Variants in DNAH5 observed in about 807,000 individuals in gnomAD.
DNAH5 encodes the protein axonemal beta dynein heavy chain 5.
In DNAH5, 372 loss-of-function variants were observed where a neutral mutation model predicts 518.2. The ratio of observed to expected loss-of-function variants is 0.72; its 90% CI spans 0.66 to 0.78. The LOEUF is 0.78. Ranked by LOEUF, DNAH5 falls within the 30% of genes least tolerant of loss-of-function variation. The pLI is 0.00. For synonymous variants in DNAH5, 2,039 were observed against 2,025.9 expected, an observed-to-expected ratio of 1.01 and a Z score of -0.17; for missense variants, 5,523 against 5,687.0, an observed-to-expected ratio of 0.97 and a Z score of 0.93.
intron 53 of DNAH5, among the ~76,000 whole-genome samples, chr5:13,780,219 C>G (rs1258144386): frequency 1.3e-5 from 2 of 152,106 alleles, no homozygotes; most frequent in African/African-American, 4.8e-5. Context: ...TCTAATCATC[C>G]CTTAGACTAG....
At position 13,796,879 on chromosome 5, in the gene DNAH5, G is replaced by T. The variant is rs985270239; in HGVS notation, c.7888-2821C>A. The stretch of plus-strand genomic sequence containing the variant: ...GATAGACCAATGGAACAGAACAGAG[G>T]CCTCAGAAATAACACCACACATCTA... On this transcript the variant is annotated intron_variant, in intron 47 of 78. Coordinates refer to ENST00000265104, the MANE Select transcript of DNAH5 (RefSeq NM_001369.3). 2.0e-5 allele frequency among the ~76,000 whole-genome samples: 3 copies of T among 152,138 alleles called. No individual in the cohort carries two copies. In the South Asian group the frequency reaches 6.2e-4, roughly 32 times the overall value.
intron 61 of DNAH5, among the ~76,000 whole-genome samples, chr5:13,758,366 A>G (rs1001486478): frequency 2.6e-5 from 4 of 152,080 alleles, no homozygotes; most frequent in Admixed American, 1.3e-4. Flanking sequence ...ATGGTGGTGC[A>G]TGTCTGTAGT....
intron 43 of DNAH5, among the ~76,000 whole-genome samples, chr5:13,813,685 A>C (rs1761029779): frequency 6.6e-6 from 1 of 152,190 alleles, no homozygotes; most frequent in Non-Finnish European, 1.5e-5. Flanking sequence ...CTATGTCAAC[A>C]TCATTTTGCT....
chr5:13,786,991 G>A (rs1397984840), intron 51 of DNAH5, among the ~76,000 whole-genome samples: 1 of 152,064 alleles, frequency 6.6e-6, no homozygotes, highest in Non-Finnish European at 1.5e-5. Flanking sequence ...AGGCCAAGGT[G>A]GGCAGATCAC....
chr5:13,869,288 A>C (rs1324347442), intron 24 of DNAH5, among the ~76,000 whole-genome samples: 1 of 151,552 alleles, frequency 6.6e-6, no homozygotes, highest in African/African-American at 2.4e-5. Context: ...CATTCCAGTT[A>C]TAGTGTGATG....
chr5:13,842,433 A>AGAGAGAGAGAGAGAGAG (rs1561407131), intron 32 of DNAH5, among the ~76,000 whole-genome samples: 11 of 61,932 alleles, frequency 1.8e-4, no homozygotes, highest in African/African-American at 6.5e-4. Flanking sequence ...AAAAGAAAGA[A>AGAGAGAGAGAGAGAGAG]AGAAAGAAAG....
At chr5:13,985,816 C>A (rs1783015192) in intron 1 of DNAH5, among the ~76,000 whole-genome samples, 1 of 152,124 alleles carries the variant, frequency 6.6e-6, no homozygotes, top group Non-Finnish European at 1.5e-5. Flanking sequence ...CAACAGGATG[C>A]CCATGAGAAC....
chr5:13,951,687 G>A (rs1172548493), intron 1 of DNAH5, among the ~76,000 whole-genome samples: 1 of 152,168 alleles, frequency 6.6e-6, no homozygotes, highest in African/African-American at 2.4e-5. Flanking sequence ...GCACCCTCCT[G>A]TGCTTGCTCT....
intron 43 of DNAH5, among the ~76,000 whole-genome samples, chr5:13,813,440 T>C (rs1220067242): frequency 7.1e-6 from 1 of 140,760 alleles, no homozygotes; most frequent in South Asian, 2.3e-4. Flanking sequence ...GAAAAAAAAA[T>C]GTTGTGGCAC....
chr5:13,941,017 CT>C (rs1779410484), intron 1 of DNAH5, among the ~76,000 whole-genome samples: 1 of 152,240 alleles, frequency 6.6e-6, no homozygotes, highest in Non-Finnish European at 1.5e-5. Context: ...GATGGGGCAT[CT>C]TTTGGCCTTA....
At chr5:13,881,277 G>C (rs1771642140) in intron 21 of DNAH5, among the ~76,000 whole-genome samples, 1 of 151,878 alleles carries the variant, frequency 6.6e-6, no homozygotes, top group South Asian at 2.1e-4. Flanking sequence ...TATTAGACTT[G>C]AACTACACTT....
intron 1 of DNAH5, among the ~76,000 whole-genome samples, chr5:14,004,693 A>G (rs557936637): frequency 2.0e-5 from 3 of 152,318 alleles, no homozygotes; most frequent in African/African-American, 7.2e-5. Context: ...CTGCACATGT[A>G]TGTAGCATGC....
intron 60 of DNAH5, among the ~76,000 whole-genome samples, chr5:13,760,225 A>T (rs1561192689): frequency 6.6e-6 from 1 of 152,202 alleles, no homozygotes; most frequent in Non-Finnish European, 1.5e-5. Context: ...ATAAATAAAT[A>T]AATAAAATTT....
intron 70 of DNAH5, among the ~76,000 whole-genome samples, chr5:13,722,324 C>A (rs1745163426): frequency 6.6e-6 from 1 of 152,178 alleles, no homozygotes; most frequent in Non-Finnish European, 1.5e-5. Context: ...TGGGCTCATC[C>A]CTCATCTTCG....
chr5:13,692,908 C>T (rs553275506), intron 78 of DNAH5, among the ~76,000 whole-genome samples: 1 of 152,124 alleles, frequency 6.6e-6, no homozygotes, highest in Non-Finnish European at 1.5e-5. Context: ...TAAACTTATA[C>T]AATTCATGAG....
chr5:13,925,213 T>C (rs1777741225), intron 3 of DNAH5, among the ~76,000 whole-genome samples: 1 of 152,190 alleles, frequency 6.6e-6, no homozygotes. Flanking sequence ...AGTAATAAGA[T>C]GTTAGGCAAC....
intron 35 of DNAH5, among the ~76,000 whole-genome samples, chr5:13,834,524 G>C (rs1207903462): frequency 2.6e-5 from 4 of 152,190 alleles, no homozygotes; most frequent in Non-Finnish European, 5.9e-5. Flanking sequence ...TTTAGCATCT[G>C]TTATGTGACA....
chr5:13,834,360 G>C, intron 35 of DNAH5, among the ~76,000 whole-genome samples: 1 of 152,150 alleles, frequency 6.6e-6, no homozygotes, highest in East Asian at 1.9e-4. Flanking sequence ...AGTTTTCAGA[G>C]GGATAGAAAA....
chr5:13,814,315 T>G (rs1761133974), intron 43 of DNAH5, among the ~76,000 whole-genome samples: 1 of 152,222 alleles, frequency 6.6e-6, no homozygotes, highest in Non-Finnish European at 1.5e-5. Flanking sequence ...ATTTTACTTA[T>G]TCAGTCCTCA....
Sources: allele counts gnomAD v4.1 joint callset (sites outside exome capture counted in the v4.1 genomes callset), GRCh38; gene constraint gnomAD v4.1.1; transcripts MANE v1.5; gene names NCBI Gene and HGNC (gene_info 2026-07-23, HGNC 2026-07-21).